ZDHHC3: variants seen among roughly 807,000 people sequenced by gnomAD.
The protein encoded by ZDHHC3 is zDHHC palmitoyltransferase 3.
A neutral mutation model predicts 30.6 loss-of-function variants in ZDHHC3; 9 were observed. The observed-to-expected ratio is 0.29, with a 90% CI of 0.18 to 0.51. ZDHHC3 has a LOEUF of 0.51. Among genes scored for constraint, ZDHHC3 ranks in the 20% least tolerant of loss-of-function variants. The pLI, the probability that ZDHHC3 is intolerant of heterozygous loss-of-function variation, is 0.97. For missense variants in ZDHHC3, 246 were observed against 384.2 expected (o/e 0.64, Z 3.01); for synonymous variants, 136 against 140.2 (o/e 0.97, Z 0.21).
At chr3:44,968,479 G>C (rs1474423342) in intron 1 of ZDHHC3, among the ~76,000 whole-genome samples, 1 of 152,150 alleles carries the variant, frequency 6.6e-6, no homozygotes, top group Non-Finnish European at 1.5e-5. Flanking sequence ...CAGATGGCTT[G>C]AGCCCAGGAG....
Position 44,919,527 on chromosome 3 carries a change from C to T in ZDHHC3, c.*7162G>A, listed in dbSNP as rs1485637649. Among the ~76,000 whole-genome samples, 5 of 152,158 alleles carry T rather than the reference C, an allele frequency of 3.3e-5. No homozygotes were observed. Among genetic ancestry groups the T allele is most frequent in the African/African-American group, 7.2e-5 (3 of 41,440 alleles). ...CTAATTTTGTGTTACAGGAATTTCA[C>T]CTCGATTTTTAAAAAGGGTCAAGGT... On this transcript the variant is annotated 3_prime_UTR_variant, in exon 7 of 7. Transcript: ENST00000424952.
intron 1 of ZDHHC3, among the ~76,000 whole-genome samples, chr3:44,972,295 T>A (rs1344876728): frequency 1.3e-5 from 2 of 152,184 alleles, no homozygotes; most frequent in Non-Finnish European, 2.9e-5. Context: ...AAACCCAGTC[T>A]CTACCAAAAA....
At position 44,916,604 on chromosome 3, in the gene ZDHHC3, CAA is replaced by C. The variant is rs1275997363; in HGVS notation, c.*10083_*10084del. 1 of 152,166 alleles carries C rather than the reference CAA, an allele frequency of 6.6e-6. No homozygotes were observed. The highest frequency in any genetic ancestry group is 2.4e-5 in the African/African-American group (1 of 41,406). The allele number at this position is 152,166 out of a possible 1,614,324, so 9.4% of individuals were successfully genotyped here. A position where few individuals can be genotyped will look rare whatever the true frequency, so the allele number is the denominator to read the frequency against. Reference sequence around the variant, plus strand: ...GCCAGTAGACGCTGGGGAAATGGGCCAAAGAGAGGAACAAAGGCACGTGGAGG... The same window carrying C: ...GCCAGTAGACGCTGGGGAAATGGGCCAGAGAGGAACAAAGGCACGTGGAGG... On this transcript the variant is annotated 3_prime_UTR_variant, in exon 7 of 7. Transcript: ENST00000424952.
chr3:44,933,026 G>A, intron 5 of ZDHHC3, 92 bp downstream of exon 5: 1 of 1,613,494 alleles, frequency 6.2e-7, no homozygotes, highest in Non-Finnish European at 8.5e-7. Context: ...GTTGGCCCCT[G>A]GCACCATGAA....
intron 2 of ZDHHC3, among the ~76,000 whole-genome samples, chr3:44,957,785 A>C (rs920707004): frequency 6.6e-6 from 1 of 152,106 alleles, no homozygotes; most frequent in African/African-American, 2.4e-5. Context: ...TTTCTGCCAA[A>C]CCTTCATCAC....
chr3:44,939,095 A>C (rs1702220457), intron 3 of ZDHHC3, among the ~76,000 whole-genome samples: 1 of 152,168 alleles, frequency 6.6e-6, no homozygotes, highest in Non-Finnish European at 1.5e-5. Flanking sequence ...GGCCTTACTA[A>C]CACAGGCATG....
intron 2 of ZDHHC3, among the ~76,000 whole-genome samples, chr3:44,949,729 G>A (rs766937581): frequency 1.3e-5 from 2 of 152,232 alleles, no homozygotes; most frequent in Non-Finnish European, 2.9e-5. Flanking sequence ...TGAAGGTGAG[G>A]CAGGGCCCAG....
intron 3 of ZDHHC3, among the ~76,000 whole-genome samples, chr3:44,935,081 G>A (rs901300803): frequency 3.9e-5 from 6 of 151,992 alleles, no homozygotes; most frequent in African/African-American, 1.5e-4. Context: ...CAAGCGTCCC[G>A]GACTACTAGG....
Position 44,965,866 on chromosome 3 carries a change from C to A in ZDHHC3, c.-24-6406G>T, listed in dbSNP as rs373316905. ...AGTTCAGCCAGATCTAAAACCAAAT[C>A]TTTGGAAGCACCTCAAAGTACTTTG... On this transcript the variant is annotated intron_variant, in intron 1 of 6. Transcript: ENST00000424952. Among the ~76,000 whole-genome samples, 9 of 152,314 alleles carry A rather than the reference C, an allele frequency of 5.9e-5. No individual in the cohort carries two copies. The East Asian group carries it at 1.4e-3, about 23-fold the overall frequency.
chr3:44,957,088 A>G (rs566456852), intron 2 of ZDHHC3, among the ~76,000 whole-genome samples: 1 of 152,160 alleles, frequency 6.6e-6, no homozygotes, highest in East Asian at 1.9e-4. Context: ...GCTTCATGCC[A>G]TTCAGGTCAG....
At chr3:44,929,801 T>C (rs908726590) in intron 5 of ZDHHC3, among the ~76,000 whole-genome samples, 1 of 152,178 alleles carries the variant, frequency 6.6e-6, no homozygotes, top group African/African-American at 2.4e-5. Context: ...CCTGCTCTCC[T>C]CAGAGAGCAC....
chr3:44,925,934 T>C lies in ZDHHC3; in HGVS notation c.*755A>G. On this transcript the variant is annotated 3_prime_UTR_variant, in exon 7 of 7. Coordinates refer to ENST00000424952, the MANE Select transcript of ZDHHC3 (RefSeq NM_001135179.2). ...TGAAATTGTGTAATTTTTTTTCCTC[T>C]TGATTGTATAAGGCATTTTGAACTG... The C allele has an allele frequency of 2.0e-6, 2 of 985,760 alleles. No homozygotes were observed. Among genetic ancestry groups the C allele is most frequent in the Non-Finnish European group, 2.4e-6 (2 of 829,852 alleles). 61.1% of individuals were successfully genotyped at this position (985,760 alleles called of 1,614,324 possible).
Position 44,959,240 on chromosome 3 carries a change from A to G in ZDHHC3, c.197T>C (p.Met66Thr). 4 of 1,614,272 alleles carry G rather than the reference A, an allele frequency of 2.5e-6. No homozygotes were observed. The highest frequency in any genetic ancestry group is 3.4e-6 in the Non-Finnish European group (4 of 1,180,050). The change falls in exon 2 of 7, where the codon ATG (methionine) becomes ACG (threonine). Residue 66 changes from methionine (M) to threonine (T), a missense_variant. Coordinates refer to ENST00000424952, the MANE Select transcript of ZDHHC3 (RefSeq NM_001135179.2). The surrounding 1 kb of genome is among the most constrained non-coding windows in gnomAD (Gnocchi z 4.3). ...CACGTAGTCTCGAGATGGAATCAGC[A>G]TGACAAAGAGGACCACGAACTCCGC... ...LYAEFVVLFV[M>T]LIPSRDYVYS...
In ZDHHC3 at chr3:44,919,892, C is replaced by T. The variant is rs1700475051; in HGVS notation, c.*6797G>A. 1 of 1,030,302 alleles carries T rather than the reference C, an allele frequency of 9.7e-7. No individual in the cohort carries two copies. Among genetic ancestry groups the T allele is most frequent in the Non-Finnish European group, 1.2e-6 (1 of 854,482 alleles). 63.8% of individuals were successfully genotyped at this position (1,030,302 alleles called of 1,614,324 possible). On this transcript the variant is annotated 3_prime_UTR_variant, in exon 7 of 7. Coordinates refer to ENST00000424952, the MANE Select transcript of ZDHHC3 (RefSeq NM_001135179.2). ...GAGACAAAGATTTATGCAATACAAA[C>T]TTGAACACTGAATTATAATAATGCA...
rs1700369886 is a variant in ZDHHC3, at chr3:44,918,556, G to C, written c.*8133C>G. 1.0e-6 allele frequency: 1 copy of C among 985,272 alleles called. No individual in the cohort carries two copies. The highest frequency in any genetic ancestry group is 6.1e-5 in the Admixed American group (1 of 16,264). The allele number at this position is 985,272 out of a possible 1,614,324, so 61.0% of individuals were successfully genotyped here. A position where few individuals can be genotyped will look rare whatever the true frequency, so the allele number is the denominator to read the frequency against. On this transcript the variant is annotated 3_prime_UTR_variant, in exon 7 of 7. Transcript: ENST00000424952. ...GGTGATCCCCTCCTAAATATTTTTG[G>C]CCACTCCCACCAGGGTAGATAGGGG...
In ZDHHC3 at chr3:44,918,225, A is replaced by G; in HGVS notation, c.*8464T>C. 2 of 1,073,906 alleles carry G rather than the reference A, an allele frequency of 1.9e-6. No homozygotes were observed. The highest frequency in any genetic ancestry group is 2.3e-6 in the Non-Finnish European group (2 of 861,492). The allele number at this position is 1,073,906 out of a possible 1,614,324, so 66.5% of individuals were successfully genotyped here. A position where few individuals can be genotyped will look rare whatever the true frequency, so the allele number is the denominator to read the frequency against. On this transcript the variant is annotated 3_prime_UTR_variant, in exon 7 of 7. Coordinates refer to ENST00000424952, the MANE Select transcript of ZDHHC3 (RefSeq NM_001135179.2). ...ACATAGACACCCCCAGCTATAGCATAGCAGTGGCGGGGGGGGGGGCGGGGT... is the reference window on the plus strand; with the variant it reads ...ACATAGACACCCCCAGCTATAGCATGGCAGTGGCGGGGGGGGGGGCGGGGT...
At position 44,923,338 on chromosome 3, in the gene ZDHHC3, A is replaced by G; in HGVS notation, c.*3351T>C. 1.0e-6 allele frequency: 1 copy of G among 985,200 alleles called. No individual in the cohort carries two copies. Among genetic ancestry groups the G allele is most frequent in the South Asian group, 4.7e-5 (1 of 21,282 alleles). 61.0% of individuals were successfully genotyped at this position (985,200 alleles called of 1,614,324 possible). A position where few individuals can be genotyped will look rare whatever the true frequency, so the allele number is the denominator to read the frequency against. ...TGATCTGCCCGCCTCGGCCTCCCAA[A>G]GTGCTGGGATTACAGGCGTGAGGGA... On this transcript the variant is annotated 3_prime_UTR_variant, in exon 7 of 7. Coordinates refer to ENST00000424952, the MANE Select transcript of ZDHHC3 (RefSeq NM_001135179.2).
intron 1 of ZDHHC3, among the ~76,000 whole-genome samples, chr3:44,966,312 CTAT>C (rs1704948366): frequency 6.6e-6 from 1 of 152,160 alleles, no homozygotes; most frequent in South Asian, 2.1e-4. Context: ...TTTAATAAAT[CTAT>C]TATTATGCTA....
rs1700904362 is a variant in ZDHHC3, at chr3:44,925,453, C to T, written c.*1236G>A. The stretch of plus-strand genomic sequence containing the variant: ...TTTTGCACTTGGAGGGCACTCCCTA[C>T]CTCCTTCACCTCTATCCACCATCAC... On this transcript the variant is annotated 3_prime_UTR_variant, in exon 7 of 7. Coordinates refer to ENST00000424952, the MANE Select transcript of ZDHHC3 (RefSeq NM_001135179.2). 8.1e-6 allele frequency: 8 copies of T among 985,354 alleles called. No individual in the cohort carries two copies. Among genetic ancestry groups the T allele is most frequent in the Non-Finnish European group, 9.6e-6 (8 of 829,942 alleles). The allele number at this position is 985,354 out of a possible 1,614,324, so 61.0% of individuals were successfully genotyped here.
Sources: gnomAD v4.1 joint callset for allele counts (sites outside exome capture counted in the v4.1 genomes callset) on GRCh38, gnomAD v4.1.1 for gene constraint, Gnocchi (gnomAD v3.1) non-coding constraint, MANE v1.5 for transcripts, NCBI Gene and HGNC (gene_info 2026-07-23, HGNC 2026-07-21) for gene names.